Variants in VWA8 observed in about 807,000 individuals in gnomAD.
The protein encoded by VWA8 is von Willebrand factor A domain-containing protein 8.
VWA8 carries 221 observed loss-of-function variants against 241.5 expected under a neutral mutation model. The ratio of observed to expected loss-of-function variants is 0.91; its 90% CI spans 0.82 to 1.02. The LOEUF (loss-of-function observed/expected upper bound fraction) is 1.02. Ranked by LOEUF, VWA8 falls within the 50% of genes least tolerant of loss-of-function variation. The pLI, the probability that VWA8 is intolerant of heterozygous loss-of-function variation, is 0.00. For missense variants in VWA8, 2,322 were observed against 2,328.7 expected (o/e 1.00, Z 0.06); for synonymous variants, 852 against 827.1 (o/e 1.03, Z -0.52).
chr13:41,737,664 T>C (rs2045536226), intron 21 of VWA8, among the ~76,000 whole-genome samples: 1 of 152,224 alleles, frequency 6.6e-6, no homozygotes, highest in Non-Finnish European at 1.5e-5. Context: ...TTAATAATAG[T>C]GTTGCCTATT....
intron 42 of VWA8, among the ~76,000 whole-genome samples, chr13:41,580,661 T>C (rs4325448): frequency 0.28 from 43,104 of 152,010 alleles, 7,408 homozygotes; most frequent in African/African-American, 0.48. Flanking sequence ...TTTAAAAAAA[T>C]CAAATTGAAC....
At chr13:41,681,871 G>A (rs1441734691) in intron 35 of VWA8, among the ~76,000 whole-genome samples, 1 of 152,100 alleles carries the variant, frequency 6.6e-6, no homozygotes, top group African/African-American at 2.4e-5. Flanking sequence ...GGGGTTGGGG[G>A]GAAGGGGTGC....
intron 2 of VWA8, among the ~76,000 whole-genome samples, chr13:41,922,505 G>A (rs1050896436): frequency 1.3e-5 from 2 of 152,140 alleles, no homozygotes; most frequent in East Asian, 1.9e-4. Flanking sequence ...GCAACCTACA[G>A]AATGGGAGAA....
intron 14 of VWA8, among the ~76,000 whole-genome samples, chr13:41,822,149 T>C (rs1215650101): frequency 6.6e-6 from 1 of 152,150 alleles, no homozygotes; most frequent in Non-Finnish European, 1.5e-5. Flanking sequence ...TAAATATGCA[T>C]AGTTTATTAT....
intron 1 of VWA8, among the ~76,000 whole-genome samples, chr13:41,959,013 A>T (rs1878469239): frequency 6.6e-6 from 1 of 152,230 alleles, no homozygotes; most frequent in African/African-American, 2.4e-5. Context: ...AAAAAGTTCA[A>T]GTCAATTCAC....
intron 14 of VWA8, among the ~76,000 whole-genome samples, chr13:41,822,140 A>C (rs1344421950): frequency 6.6e-6 from 1 of 152,202 alleles, no homozygotes; most frequent in Non-Finnish European, 1.5e-5. Flanking sequence ...TGTGCATTTT[A>C]AATATGCATA....
At chr13:41,734,332 C>G (rs1474338097) in intron 21 of VWA8, among the ~76,000 whole-genome samples, 3 of 151,596 alleles carry the variant, frequency 2.0e-5, no homozygotes, top group Non-Finnish European at 1.5e-5. Context: ...AGCGAGACTC[C>G]GTCTAAAAAA....
chr13:41,621,150 A>G (rs2044654544), intron 37 of VWA8, among the ~76,000 whole-genome samples: 1 of 152,200 alleles, frequency 6.6e-6, no homozygotes, highest in African/African-American at 2.4e-5. Context: ...TTACCCATAC[A>G]ACTATTTTGC....
At chr13:41,605,665 T>C (rs963522750) in intron 39 of VWA8, among the ~76,000 whole-genome samples, 5 of 152,174 alleles carry the variant, frequency 3.3e-5, no homozygotes, top group African/African-American at 1.2e-4. Flanking sequence ...CAAAGCCATA[T>C]TGTGATGTTT....
intron 4 of VWA8, 76 bp from the exon 5 acceptor site, chr13:41,891,663 A>G (rs1380172968): frequency 2.0e-6 from 3 of 1,512,172 alleles, no homozygotes; most frequent in Non-Finnish European, 2.7e-6. Context: ...TTGTAATTCA[A>G]ATTTAAGTTG....
rs368355442 is a variant in VWA8 at position 41,858,535 on chromosome 13, G to A, written c.1425+7201C>T. ...GCAGGAGAATCACTTGAACCCGGGA[G>A]GCGGAGGTTGCAGTTAACCAATATC... On this transcript the variant is annotated intron_variant, in intron 12 of 44. Transcript: ENST00000379310. Among the ~76,000 whole-genome samples, 14 of 152,174 alleles carry A rather than the reference G, an allele frequency of 9.2e-5. No homozygotes were observed. The East Asian group carries it at 2.1e-3, about 23-fold the overall frequency.
chr13:41,578,218 G>A (rs1194517162), intron 42 of VWA8, among the ~76,000 whole-genome samples: 1 of 151,876 alleles, frequency 6.6e-6, no homozygotes, highest in Non-Finnish European at 1.5e-5. Flanking sequence ...GGAAAGACCA[G>A]CCTTTGTCTG....
In VWA8 at chr13:41,817,929, T is replaced by A. The variant is rs367763998; in HGVS notation, c.1870-1154A>T. Among the ~76,000 whole-genome samples the A allele has an allele frequency of 2.6e-5, 4 of 152,268 alleles. No individual in the cohort carries two copies. The East Asian group carries it at 5.8e-4, about 22-fold the overall frequency. On this transcript the variant is annotated intron_variant, in intron 15 of 44. Coordinates refer to ENST00000379310, the MANE Select transcript of VWA8 (RefSeq NM_015058.2). ...AATGTGGTAGCCAAAAGCTCCCATGTGGATACTGAGTACTTGAAAAGTGAC... is the reference window on the plus strand; with the variant it reads ...AATGTGGTAGCCAAAAGCTCCCATGAGGATACTGAGTACTTGAAAAGTGAC...
chr13:41,812,138 G>A (rs1479774807), intron 16 of VWA8, among the ~76,000 whole-genome samples: 1 of 152,038 alleles, frequency 6.6e-6, no homozygotes, highest in Non-Finnish European at 1.5e-5. Context: ...TTGTTATGAA[G>A]GTTAAATTAG....
chr13:41,805,829 A>G (rs751107663), intron 17 of VWA8, among the ~76,000 whole-genome samples: 11 of 152,020 alleles, frequency 7.2e-5, no homozygotes, highest in Admixed American at 1.3e-4. Flanking sequence ...AAAAAGAAAA[A>G]GAAAAAAAGA....
intron 20 of VWA8, among the ~76,000 whole-genome samples, chr13:41,765,518 T>C: frequency 6.6e-6 from 1 of 152,216 alleles, no homozygotes; most frequent in East Asian, 1.9e-4. Flanking sequence ...AATGAAACAG[T>C]TATAATGACT....
At chr13:41,831,314 G>A (rs1224529145) in intron 13 of VWA8, among the ~76,000 whole-genome samples, 4 of 152,156 alleles carry the variant, frequency 2.6e-5, no homozygotes, top group East Asian at 1.9e-4. Flanking sequence ...AGCATGGCCG[G>A]TGGAACCAAT....
At position 41,721,551 on chromosome 13, in the gene VWA8, A is replaced by G. The variant is rs138978193; in HGVS notation, c.2783T>C (p.Val928Ala). Residue 928 changes from valine to alanine, a missense_variant, in exon 25 of 45, where the codon GTT becomes GCT. Val to Ala is a moderately conservative substitution (Grantham distance 64). Coordinates refer to ENST00000379310, the MANE Select transcript of VWA8 (RefSeq NM_015058.2). The stretch of plus-strand genomic sequence containing the variant: ...CTCCGAGTGGGGTTTGGGGTTATCA[A>G]CTGCATGGCAGCTAAAAATATCACC... ...TLGDIFSCHA[V>A]DNPKPHSELE... 2.5e-4 allele frequency: 405 copies of G among 1,613,118 alleles called. 1 individual carries two copies. Among genetic ancestry groups the G allele is most frequent in the Middle Eastern group, 2.5e-3 (15 of 6,046 alleles).
At chr13:41,863,959 A>G (rs1426141394) in intron 12 of VWA8, among the ~76,000 whole-genome samples, 1 of 152,134 alleles carries the variant, frequency 6.6e-6, no homozygotes, top group African/African-American at 2.4e-5. Context: ...CTAAAATAAA[A>G]ATCAAGAGAA....
Sources: allele counts gnomAD v4.1 joint callset (sites outside exome capture counted in the v4.1 genomes callset), GRCh38; gene constraint gnomAD v4.1.1; transcripts MANE v1.5; gene names NCBI Gene and HGNC (gene_info 2026-07-23, HGNC 2026-07-21).